MEI1: variants seen among roughly 807,000 people sequenced by gnomAD.
MEI1 encodes the protein meiosis inhibitor protein 1.
In MEI1, 103 loss-of-function variants were observed where a neutral mutation model predicts 146.2. That is an observed-to-expected ratio of 0.70 (90% confidence interval 0.60 to 0.83). The LOEUF (loss-of-function observed/expected upper bound fraction) is 0.83, where lower values mean the gene tolerates loss of function less well. Ranked by LOEUF, MEI1 falls within the 40% of genes least tolerant of loss-of-function variation. The probability of loss-of-function intolerance (pLI) is 0.00; values close to 1 mark genes in which losing one functional copy is unlikely to be tolerated. For synonymous variants in MEI1, 652 were observed against 628.2 expected, an observed-to-expected ratio of 1.04 and a Z score of -0.57; for missense variants, 1,529 against 1,533.0, an observed-to-expected ratio of 1.00 and a Z score of 0.04.
At chr22:41,700,505 A>G (rs1360119044) in intron 1 of MEI1, among the ~76,000 whole-genome samples, 4 of 151,966 alleles carry the variant, frequency 2.6e-5, no homozygotes, top group South Asian at 2.1e-4. Flanking sequence ...TAATTTCTCT[A>G]TTTTTAGTAG....
rs561773303 is a variant in MEI1, at chr22:41,712,204, C to CAAAA, written c.350-1789_350-1786dup. ...GGGCAACAAGAGTAAAACTCCGGCT[C>CAAAA]AAAAAAAAAAAAGCATTGTGTTTTT... On this transcript the variant is annotated intron_variant, in intron 3 of 30. Transcript: ENST00000401548. Among the ~76,000 whole-genome samples, 10 of 53,664 alleles carry CAAAA rather than the reference C, an allele frequency of 1.9e-4. 1 individual carries two copies. Among genetic ancestry groups the CAAAA allele is most frequent in the African/African-American group, 1.3e-3 (10 of 7,708 alleles). The allele number at this position is 53,664 out of a possible 152,430, so 35.2% of individuals were successfully genotyped here.
At chr22:41,766,510 T>C (rs768616639) in intron 19 of MEI1, among the ~76,000 whole-genome samples, 68 of 151,928 alleles carry the variant, frequency 4.5e-4, no homozygotes, top group South Asian at 2.1e-4. Flanking sequence ...TTCTACTGTA[T>C]GGACGTTTTC....
chr22:41,778,747 T>G lies in MEI1; in HGVS notation c.2750T>G (p.Leu917Arg), dbSNP rs2075600405. The change falls in exon 22 of 31, where the codon CTG (leucine) becomes CGG (arginine). Residue 917 changes from leucine to arginine, a missense_variant. By Grantham distance (102) the Leu-to-Arg change is moderately radical (BLOSUM62 -2). Transcript: ENST00000401548. ...NLPLLLSLLSLMQLRNVSEQE... is the reference protein window; with the variant it reads ...NLPLLLSLLSRMQLRNVSEQE... ...CCATTGCTGCTGAGCCTCCTCTCCC[T>G]GATGCAGCTCAGGAATGTGTCAGAG... 1.2e-6 allele frequency: 2 copies of G among 1,608,886 alleles called. No homozygotes were observed. Among genetic ancestry groups the G allele is most frequent in the African/African-American group, 1.3e-5 (1 of 74,794 alleles).
chr22:41,742,836 G>A lies in MEI1; in HGVS notation c.1332-244G>A, dbSNP rs147022817. On this transcript the variant is annotated intron_variant, in intron 11 of 30. Coordinates refer to ENST00000401548, the MANE Select transcript of MEI1 (RefSeq NM_152513.4). ...CTTGGCTAATTTTTGTGGAGACTGG[G>A]TTTCACCATGTTGCCCAGGCTGGTC... Among the ~76,000 whole-genome samples, 6 of 152,210 alleles carry A rather than the reference G, an allele frequency of 3.9e-5. No individual in the cohort carries two copies. The East Asian group carries it at 1.2e-3, about 29-fold the overall frequency.
chr22:41,782,113 A>G (rs1242831552), intron 24 of MEI1, among the ~76,000 whole-genome samples: 1 of 152,224 alleles, frequency 6.6e-6, no homozygotes, highest in Non-Finnish European at 1.5e-5. Context: ...AAAAATGAAT[A>G]TAGCATGTGT....
At chr22:41,797,963 C>T (rs1178873122) in intron 30 of MEI1, among the ~76,000 whole-genome samples, 1 of 152,124 alleles carries the variant, frequency 6.6e-6, no homozygotes, top group Non-Finnish European at 1.5e-5. Context: ...CAGTCGTGCC[C>T]AGAATCACAG....
intron 7 of MEI1, among the ~76,000 whole-genome samples, chr22:41,724,843 A>C (rs1302771197): frequency 6.7e-6 from 1 of 149,014 alleles, no homozygotes. Flanking sequence ...TGCTCTCTCC[A>C]CTCAGGCTGG....
intron 3 of MEI1, among the ~76,000 whole-genome samples, chr22:41,707,771 A>G (rs1395060641): frequency 6.6e-6 from 1 of 152,240 alleles, no homozygotes; most frequent in Non-Finnish European, 1.5e-5. Flanking sequence ...CCTTCTTCCT[A>G]TAGCCTTGCC....
At chr22:41,714,130 T>C in intron 4 of MEI1, 55 bp downstream of exon 4, 1 of 1,494,438 alleles carries the variant, frequency 6.7e-7, no homozygotes, top group East Asian at 2.4e-5. Flanking sequence ...ATGTCAGAGC[T>C]GGGTCAACCC....
intron 20 of MEI1, among the ~76,000 whole-genome samples, chr22:41,773,745 C>T (rs1304580212): frequency 6.6e-6 from 1 of 151,848 alleles, no homozygotes; most frequent in Non-Finnish European, 1.5e-5. Context: ...CATGGTGGCA[C>T]GTGCCTGTAG....
intron 11 of MEI1, among the ~76,000 whole-genome samples, chr22:41,734,897 A>G (rs886609793): frequency 1.3e-5 from 2 of 151,942 alleles, no homozygotes; most frequent in African/African-American, 4.8e-5. Flanking sequence ...TCGGCTTCCC[A>G]AAGTGTTAGG....
At chr22:41,785,867 TTTTATTTTTTTA>T (rs1307801217) in intron 26 of MEI1, among the ~76,000 whole-genome samples, 2 of 124,834 alleles carry the variant, frequency 1.6e-5, no homozygotes, top group African/African-American at 5.9e-5. Flanking sequence ...CCCGGCCTAT[TTTTATTTTTTTA>T]TTTTTTTATT....
rs911363841 is a variant in MEI1 at position 41,781,568 on chromosome 22, C to A, written c.2927-117C>A. On this transcript the variant is annotated intron_variant, in intron 23 of 30. Transcript: ENST00000401548. ...GTTATGAAGCTGGGACCCTTAGAGC[C>A]TCAGGATGATCCTCTGTTTGTTTGT... 35 of 1,313,246 alleles carry A rather than the reference C, an allele frequency of 2.7e-5. No homozygotes were observed. The East Asian group carries it at 7.5e-4, about 28-fold the overall frequency. 81.3% of individuals were successfully genotyped at this position (1,313,246 alleles called of 1,614,324 possible).
intron 3 of MEI1, among the ~76,000 whole-genome samples, chr22:41,708,209 G>A (rs1028388479): frequency 3.9e-5 from 6 of 152,172 alleles, no homozygotes; most frequent in Non-Finnish European, 8.8e-5. Context: ...GAAAAAAGGA[G>A]AGAGAAGAAA....
intron 22 of MEI1, among the ~76,000 whole-genome samples, chr22:41,779,614 T>C (rs2075652195): frequency 6.6e-6 from 1 of 152,210 alleles, no homozygotes; most frequent in African/African-American, 2.4e-5. Flanking sequence ...AGATACGGAA[T>C]ACTTATCTAG....
intron 24 of MEI1, among the ~76,000 whole-genome samples, chr22:41,783,153 CT>C (rs148916307): frequency 3.3e-5 from 5 of 151,822 alleles, no homozygotes; most frequent in Non-Finnish European, 1.5e-5. Flanking sequence ...ATTGCCATAC[CT>C]TTTTTTTGTC....
intron 15 of MEI1, among the ~76,000 whole-genome samples, chr22:41,749,058 C>A (rs1234961907): frequency 6.6e-6 from 1 of 152,144 alleles, no homozygotes; most frequent in African/African-American, 2.4e-5. Flanking sequence ...CCCGCCTCGG[C>A]CTCCCAAAGT....
At chr22:41,748,720 CAGAG>C (rs1569243036) in intron 15 of MEI1, among the ~76,000 whole-genome samples, 1 of 152,032 alleles carries the variant, frequency 6.6e-6, no homozygotes, top group Non-Finnish European at 1.5e-5. Flanking sequence ...AACTGAATCT[CAGAG>C]AGGTTAAGTA....
At chr22:41,765,963 T>C (rs2074824118) in intron 19 of MEI1, among the ~76,000 whole-genome samples, 1 of 145,286 alleles carries the variant, frequency 6.9e-6, no homozygotes, top group Non-Finnish European at 1.5e-5. Context: ...TGATCTCGGC[T>C]CACTGCAACC....
Sources: allele counts gnomAD v4.1 joint callset (sites outside exome capture counted in the v4.1 genomes callset), GRCh38; gene constraint gnomAD v4.1.1; transcripts MANE v1.5; gene names NCBI Gene and HGNC (gene_info 2026-07-23, HGNC 2026-07-21).